CNTN5: variants seen among roughly 807,000 people sequenced by gnomAD.
CNTN5 encodes the protein contactin 5, also known as contactin-5.
A neutral mutation model predicts 129.1 loss-of-function variants in CNTN5; 77 were observed. The ratio of observed to expected loss-of-function variants is 0.60; its 90% CI spans 0.50 to 0.72. The LOEUF (loss-of-function observed/expected upper bound fraction) is 0.72, where lower values mean the gene tolerates loss of function less well. CNTN5 is among the 30% of genes least tolerant of loss of function. The probability of loss-of-function intolerance (pLI) is 0.00; values close to 1 mark genes in which losing one functional copy is unlikely to be tolerated. For missense variants in CNTN5, 1,478 were observed against 1,328.8 expected, an observed-to-expected ratio of 1.11 and a Z score of -1.75; for synonymous variants, 509 against 465.6, an observed-to-expected ratio of 1.09 and a Z score of -1.20.
intron 2 of CNTN5, among the ~76,000 whole-genome samples, chr11:99,540,428 A>T (rs574568830): frequency 2.6e-5 from 4 of 152,352 alleles, no homozygotes; most frequent in South Asian, 4.1e-4. Flanking sequence ...TGTAGACAAC[A>T]TATGGCATGC....
At chr11:99,360,427 C>G (rs1052753149) in intron 2 of CNTN5, among the ~76,000 whole-genome samples, 3 of 152,298 alleles carry the variant, frequency 2.0e-5, no homozygotes, top group Admixed American at 2.0e-4. Flanking sequence ...GGCTCCATGG[C>G]TCTCCAGTGA....
rs1591410243 is a variant in CNTN5 at position 100,225,038 on chromosome 11, T to G, written c.2005+226T>G. On this transcript the variant is annotated intron_variant, in intron 16 of 24. Transcript: ENST00000524871. ...ACTAACTTCAGAGTCCAAAACACCTTTAGTAGTAAGTTGTCACTAAGTGTT... is the reference window on the plus strand; with the variant it reads ...ACTAACTTCAGAGTCCAAAACACCTGTAGTAGTAAGTTGTCACTAAGTGTT... 5 of 353,978 alleles carry G rather than the reference T, an allele frequency of 1.4e-5. No individual in the cohort carries two copies. In the East Asian group the frequency reaches 1.7e-4, roughly 12 times the overall value. The allele number at this position is 353,978 out of a possible 1,614,324, so 21.9% of individuals were successfully genotyped here.
intron 6 of CNTN5, among the ~76,000 whole-genome samples, chr11:99,877,187 A>C (rs1453035081): frequency 6.6e-6 from 1 of 152,194 alleles, no homozygotes; most frequent in Non-Finnish European, 1.5e-5. Flanking sequence ...GTGAAAAAGA[A>C]ACTTTATTTC....
At chr11:100,017,999 A>T (rs1428078646) in intron 9 of CNTN5, among the ~76,000 whole-genome samples, 2 of 151,950 alleles carry the variant, frequency 1.3e-5, no homozygotes, top group African/African-American at 4.8e-5. Context: ...GGGGGGTAAA[A>T]TGGGTATAAT....
intron 3 of CNTN5, among the ~76,000 whole-genome samples, chr11:99,724,512 GTTAA>G (rs973819048): frequency 1.3e-5 from 2 of 152,050 alleles, no homozygotes; most frequent in African/African-American, 4.8e-5. Flanking sequence ...CATTACATAT[GTTAA>G]TTAATTCAAT....
At chr11:99,921,299 ACT>A (rs1949933044) in intron 7 of CNTN5, among the ~76,000 whole-genome samples, 1 of 151,382 alleles carries the variant, frequency 6.6e-6, no homozygotes, top group African/African-American at 2.4e-5. Context: ...TTTCCCTCCT[ACT>A]CTCTTTCTTG....
chr11:100,347,112 A>AC (rs1468198070), intron 23 of CNTN5, among the ~76,000 whole-genome samples: 2 of 152,148 alleles, frequency 1.3e-5, no homozygotes, highest in Non-Finnish European at 2.9e-5. Context: ...ATGGGTGAGA[A>AC]CACAGCCAAA....
chr11:99,215,952 A>C (rs1218984900), intron 1 of CNTN5, among the ~76,000 whole-genome samples: 8 of 152,196 alleles, frequency 5.3e-5, no homozygotes, highest in Non-Finnish European at 8.8e-5. Context: ...CTGATACAGG[A>C]ACACACTGTG....
At chr11:100,201,370 G>T (rs1326195369) in intron 15 of CNTN5, among the ~76,000 whole-genome samples, 2 of 151,096 alleles carry the variant, frequency 1.3e-5, no homozygotes, top group Non-Finnish European at 3.0e-5. Flanking sequence ...TTATATACAT[G>T]CTATTAAAAG....
intron 1 of CNTN5, among the ~76,000 whole-genome samples, chr11:99,138,876 G>A (rs1225669887): frequency 6.6e-6 from 1 of 152,116 alleles, no homozygotes; most frequent in Non-Finnish European, 1.5e-5. Flanking sequence ...TTTATCTCGA[G>A]AAGATTTTCT....
At position 99,563,698 on chromosome 11, in the gene CNTN5, G is replaced by A. The variant is rs564897926; in HGVS notation, c.55+7429G>A. 2.0e-3 allele frequency among the ~76,000 whole-genome samples: 305 copies of A among 152,156 alleles called. 1 individual carries two copies. Among genetic ancestry groups the A allele is most frequent in the Non-Finnish European group, 2.0e-3 (133 of 68,044 alleles). On this transcript the variant is annotated intron_variant, in intron 3 of 24. Transcript: ENST00000524871. Reference sequence around the variant, plus strand: ...TTATTTGGCCTTACTCACATTGCTTGTGATTGATGCCTTGTTAGCAAAGGC... The same window carrying A: ...TTATTTGGCCTTACTCACATTGCTTATGATTGATGCCTTGTTAGCAAAGGC...
intron 8 of CNTN5, among the ~76,000 whole-genome samples, chr11:99,963,419 C>A (rs1951005759): frequency 6.6e-6 from 1 of 152,120 alleles, no homozygotes; most frequent in Non-Finnish European, 1.5e-5. Flanking sequence ...ATAGGGAATC[C>A]TTTCCCCATT....
intron 13 of CNTN5, among the ~76,000 whole-genome samples, chr11:100,169,569 A>G (rs1947763168): frequency 6.6e-6 from 1 of 152,014 alleles, no homozygotes; most frequent in Non-Finnish European, 1.5e-5. Flanking sequence ...GCAATAAATT[A>G]TTTTAAATTA....
At chr11:99,716,915 T>G (rs1955259821) in intron 3 of CNTN5, among the ~76,000 whole-genome samples, 1 of 152,084 alleles carries the variant, frequency 6.6e-6, no homozygotes, top group Admixed American at 6.6e-5. Flanking sequence ...AGAAAATGTT[T>G]AAGATATAGT....
At chr11:100,033,891 T>A (rs1941846894) in intron 9 of CNTN5, among the ~76,000 whole-genome samples, 1 of 152,202 alleles carries the variant, frequency 6.6e-6, no homozygotes, top group Admixed American at 6.5e-5. Context: ...CAAAAGATTG[T>A]TTCACTTGCT....
rs557814520 is a variant in CNTN5, at chr11:99,328,884, A to G, written c.-71+3400A>G. ...AAACTCCATCTCAAAAAAAAAAAAA[A>G]AAAAGAAAAAAAACAGGAAAAAGAA... On this transcript the variant is annotated intron_variant, in intron 2 of 24. Coordinates refer to ENST00000524871, the MANE Select transcript of CNTN5 (RefSeq NM_014361.4). Among the ~76,000 whole-genome samples, 111 of 143,936 alleles carry G rather than the reference A, an allele frequency of 7.7e-4. 2 individuals are homozygous for G. The highest frequency in any genetic ancestry group is 2.9e-3 in the African/African-American group (108 of 37,286). The allele number at this position is 143,936 out of a possible 152,430, so 94.4% of individuals were successfully genotyped here. A position where few individuals can be genotyped will look rare whatever the true frequency, so the allele number is the denominator to read the frequency against.
intron 7 of CNTN5, among the ~76,000 whole-genome samples, chr11:99,925,702 A>C (rs1465995779): frequency 1.3e-5 from 2 of 151,938 alleles, no homozygotes; most frequent in Non-Finnish European, 2.9e-5. Flanking sequence ...CAAAAGAGAT[A>C]ATTTTTGTTT....
intron 6 of CNTN5, among the ~76,000 whole-genome samples, chr11:99,909,799 C>T (rs997185858): frequency 5.3e-4 from 78 of 148,452 alleles, no homozygotes; most frequent in African/African-American, 1.8e-3. Flanking sequence ...CATCACACAC[C>T]GGGGCCTGTT....
At chr11:99,971,936 G>C (rs879841646) in intron 8 of CNTN5, among the ~76,000 whole-genome samples, 1 of 150,290 alleles carries the variant, frequency 6.7e-6, no homozygotes, top group Non-Finnish European at 1.5e-5. Context: ...CAGGATAATT[G>C]ACAATGCTTA....
Sources: gnomAD v4.1 joint callset for allele counts (sites outside exome capture counted in the v4.1 genomes callset) on GRCh38, gnomAD v4.1.1 for gene constraint, MANE v1.5 for transcripts, NCBI Gene and HGNC (gene_info 2026-07-23, HGNC 2026-07-21) for gene names.